RANBP2: variants seen among roughly 807,000 people sequenced by gnomAD.
RANBP2 encodes RAN binding protein 2, also known as E3 SUMO-protein ligase RanBP2.
A neutral mutation model predicts 303.6 loss-of-function variants in RANBP2; 57 were observed. The ratio of observed to expected loss-of-function variants is 0.19; its 90% confidence interval spans 0.15 to 0.23. RANBP2 has a LOEUF of 0.23. RANBP2 is among the 10% of genes least tolerant of loss of function. RANBP2 has a pLI of 1.00. For missense variants in RANBP2, 3,138 were observed against 3,780.8 expected, an observed-to-expected ratio of 0.83 and a Z score of 4.46; for synonymous variants, 1,167 against 1,301.5, an observed-to-expected ratio of 0.90 and a Z score of 2.23.
the RANBP2 span, among the ~76,000 whole-genome samples, chr2:108,826,882 C>G: frequency 6.6e-6 from 1 of 152,158 alleles, no homozygotes; most frequent in Non-Finnish European, 1.5e-5. Flanking sequence ...AACAAGATGT[C>G]TTTCCATTTT....
chr2:108,891,221 G>A, the RANBP2 span, among the ~76,000 whole-genome samples: 205 of 152,204 alleles, frequency 1.3e-3, 3 homozygotes, highest in African/African-American at 4.2e-3. Flanking sequence ...CTTTAGAGGC[G>A]TCACATTTCC....
the RANBP2 span, among the ~76,000 whole-genome samples, chr2:108,792,283 A>G: frequency 4.6e-5 from 7 of 152,304 alleles, no homozygotes; most frequent in African/African-American, 1.4e-4. Context: ...TATGGTCTAC[A>G]CACAACAACA....
the RANBP2 span, among the ~76,000 whole-genome samples, chr2:108,956,241 T>C: frequency 1.3e-5 from 2 of 152,220 alleles, no homozygotes; most frequent in East Asian, 3.9e-4. Context: ...CTGTCATAAA[T>C]ACAGTTGCAA....
At chr2:109,723,871 G>C in the RANBP2 span, among the ~76,000 whole-genome samples, 1 of 152,146 alleles carries the variant, frequency 6.6e-6, no homozygotes, top group Non-Finnish European at 1.5e-5. Context: ...GTATTGCCTA[G>C]ATTTTCTTCT....
the RANBP2 span, among the ~76,000 whole-genome samples, chr2:109,336,518 C>T: frequency 2.6e-3 from 393 of 152,320 alleles, 3 homozygotes; most frequent in African/African-American, 8.9e-3. Context: ...TGTGAGGCCC[C>T]GTGTACCCCG....
the RANBP2 span, among the ~76,000 whole-genome samples, chr2:109,568,741 G>A: frequency 1.3e-5 from 2 of 152,064 alleles, no homozygotes; most frequent in South Asian, 4.1e-4. Context: ...TGATCCCTCA[G>A]CAAAACTAAA....
chr2:109,015,808 A>G, the RANBP2 span, among the ~76,000 whole-genome samples: 8 of 152,218 alleles, frequency 5.3e-5, no homozygotes, highest in Non-Finnish European at 1.0e-4. Flanking sequence ...TATATAATAC[A>G]TATAACATAT....
At chr2:109,078,682 A>T in the RANBP2 span, among the ~76,000 whole-genome samples, 1 of 150,604 alleles carries the variant, frequency 6.6e-6, no homozygotes, top group Non-Finnish European at 1.5e-5. Context: ...CTCACCACAC[A>T]CAAAAAGGTG....
chr2:109,338,052 C>T, the RANBP2 span, among the ~76,000 whole-genome samples: 174 of 152,150 alleles, frequency 1.1e-3, no homozygotes, highest in South Asian at 3.1e-3. Context: ...TTTGATGGAG[C>T]TTGCCAGTCT....
chr2:108,776,927 T>C (rs1483611302), intron 24 of RANBP2, among the ~76,000 whole-genome samples: 3 of 152,170 alleles, frequency 2.0e-5, no homozygotes, highest in Non-Finnish European at 2.9e-5. Flanking sequence ...TGTAGTATTG[T>C]AGTATTCTTT....
At chr2:109,214,231 G>T in the RANBP2 span, among the ~76,000 whole-genome samples, 3 of 152,280 alleles carry the variant, frequency 2.0e-5, no homozygotes, top group South Asian at 2.1e-4. Flanking sequence ...TGTGGTTTAT[G>T]GGTAAAACCA....
At chr2:109,584,547 A>T in the RANBP2 span, among the ~76,000 whole-genome samples, 3 of 152,042 alleles carry the variant, frequency 2.0e-5, no homozygotes, top group African/African-American at 7.2e-5. Flanking sequence ...TTGCTTTACC[A>T]ATCCTTTTCC....
the RANBP2 span, among the ~76,000 whole-genome samples, chr2:109,729,162 C>T: frequency 6.6e-6 from 1 of 152,204 alleles, no homozygotes; most frequent in African/African-American, 2.4e-5. Context: ...AAGGCCACAA[C>T]TTTCCAACTT....
At chr2:108,901,169 A>T in the RANBP2 span, among the ~76,000 whole-genome samples, 1 of 152,236 alleles carries the variant, frequency 6.6e-6, no homozygotes, top group Admixed American at 6.5e-5. Context: ...CCACAATAGA[A>T]TCAGAATATA....
At chr2:109,249,532 T>TTTTTCTTTCTTTCTTTCC in the RANBP2 span, among the ~76,000 whole-genome samples, 221 of 96,466 alleles carry the variant, frequency 2.3e-3, 1 homozygote, top group Admixed American at 3.4e-3. Flanking sequence ...TCTTTCTTTC[T>TTTTTCTTTCTTTCTTTCC]TTCCTTCCTT....
At chr2:109,493,222 A>T in the RANBP2 span, among the ~76,000 whole-genome samples, 5 of 151,658 alleles carry the variant, frequency 3.3e-5, no homozygotes, top group Non-Finnish European at 7.4e-5. Flanking sequence ...CTCACACATT[A>T]CACATACAGC....
chr2:109,123,024 C>T, the RANBP2 span, among the ~76,000 whole-genome samples: 1 of 152,186 alleles, frequency 6.6e-6, no homozygotes, highest in African/African-American at 2.4e-5. Flanking sequence ...ACATGAGAAA[C>T]AGGCTTGAAC....
chr2:108,889,658 CTT>C, the RANBP2 span, among the ~76,000 whole-genome samples: 3 of 151,948 alleles, frequency 2.0e-5, no homozygotes, highest in African/African-American at 7.3e-5. Flanking sequence ...ATGTACATCA[CTT>C]TACTTTCAGA....
the RANBP2 span, among the ~76,000 whole-genome samples, chr2:109,268,578 C>T: frequency 4.6e-5 from 7 of 152,186 alleles, no homozygotes; most frequent in Non-Finnish European, 7.3e-5. Flanking sequence ...GACTGGGCCT[C>T]GCTCCAGGGA....
Sources: allele counts gnomAD v4.1 joint callset (sites outside exome capture counted in the v4.1 genomes callset), GRCh38; gene constraint gnomAD v4.1.1; transcripts MANE v1.5; gene names NCBI Gene and HGNC (gene_info 2026-07-23, HGNC 2026-07-21).